TEP1: variants seen among roughly 807,000 people sequenced by gnomAD.
TEP1 encodes the protein telomerase protein component 1.
Under a neutral mutation model 306.3 loss-of-function variants are expected in TEP1, and 241 were observed. That is an observed-to-expected ratio of 0.79 (90% CI 0.71 to 0.88). The LOEUF (loss-of-function observed/expected upper bound fraction) is 0.88, where lower values mean the gene tolerates loss of function less well. Among genes scored for constraint, TEP1 ranks in the 40% least tolerant of loss-of-function variants. The pLI is 0.00. For missense variants in TEP1, 3,051 were observed against 3,276.1 expected (o/e 0.93, Z 1.68); for synonymous variants, 1,289 against 1,305.5 (o/e 0.99, Z 0.27).
rs772956301 is a variant in TEP1, at chr14:20,403,836, G to A, written c.1081C>T (p.Leu361Phe). Residue 361 changes from leucine (L) to phenylalanine (F), a missense_variant, in exon 6 of 55, where the codon CTC (leucine) becomes TTC (phenylalanine). Physicochemically the swap from Leu to Phe is conservative, Grantham distance 22. This residue lies in a region of TEP1 where 1,507 missense variants were observed against 1,550.5 expected (regional missense o/e 0.97). Coordinates refer to ENST00000262715, the MANE Select transcript of TEP1 (RefSeq NM_007110.5). ...AATTTGTCCGTCATGGCAGTACGGA[G>A]ACAGGCGGGCAGGGGCACCAGCTTA... ...KNKLVPLPACLRTAMTDKFAQ... is the reference protein window; with the variant it reads ...KNKLVPLPACFRTAMTDKFAQ... 13 of 1,614,122 alleles carry A rather than the reference G, an allele frequency of 8.1e-6. No homozygotes were observed. The Admixed American group carries it at 2.2e-4, about 27-fold the overall frequency.
intron 39 of TEP1, 86 bp downstream of exon 39, chr14:20,377,938 C>G (rs993744470): frequency 3.0e-5 from 46 of 1,541,678 alleles, no homozygotes; most frequent in Non-Finnish European, 4.0e-5. Context: ...ACAGTCTCCT[C>G]GACAAAGGAC....
At chr14:20,403,154 C>T (rs1276435938) in intron 7 of TEP1, among the ~76,000 whole-genome samples, 1 of 87,100 alleles carries the variant, frequency 1.1e-5, no homozygotes, top group Non-Finnish European at 2.0e-5. Flanking sequence ...TGCATAACTT[C>T]ATCTCAAAAA....
chr14:20,402,436 T>C (rs1022200512), intron 7 of TEP1, among the ~76,000 whole-genome samples: 2 of 152,228 alleles, frequency 1.3e-5, no homozygotes, highest in Admixed American at 6.5e-5. Flanking sequence ...GAAAGCGTTT[T>C]TTCTTATAAC....
chr14:20,379,256 G>A lies in TEP1; in HGVS notation c.5128-151C>T, dbSNP rs940617122. 9 of 1,052,170 alleles carry A rather than the reference G, an allele frequency of 8.6e-6. No homozygotes were observed. The African/African-American group carries it at 1.4e-4, about 17-fold the overall frequency. 65.2% of individuals were successfully genotyped at this position (1,052,170 alleles called of 1,614,324 possible). ...CCAAGTCAAGCACACGTTCAAGTGG[G>A]GGCCTCGTGATCCAAGTGGGGCCAC... is the stretch of plus-strand genomic sequence containing the variant. On this transcript the variant is annotated intron_variant, in intron 35 of 54. Coordinates refer to ENST00000262715, the MANE Select transcript of TEP1 (RefSeq NM_007110.5).
chr14:20,399,082 G>A (rs533638369), intron 9 of TEP1, among the ~76,000 whole-genome samples: 3 of 152,132 alleles, frequency 2.0e-5, no homozygotes, highest in Admixed American at 6.5e-5. Flanking sequence ...GGTTAGAGAC[G>A]GGGTTTCACC....
intron 11 of TEP1, 31 bp downstream of exon 11, chr14:20,395,828 C>G: frequency 6.3e-7 from 1 of 1,598,996 alleles, no homozygotes; most frequent in Middle Eastern, 1.7e-4. Flanking sequence ...ATGTGGGAGG[C>G]AAAGAGGAGT....
Position 20,395,564 on chromosome 14 carries a change from C to T in TEP1, c.1814G>A (p.Arg605His), listed in dbSNP as rs201323276. The change falls in exon 12 of 55, where the codon CGT (arginine) becomes CAT (histidine). Residue 605 changes from arginine to histidine, a missense_variant. By Grantham distance (29) the Arg-to-His change is conservative. Transcript: ENST00000262715. Reference sequence around the variant, plus strand: ...GTGGCAAAGAAACCTCCGCCTGGGACGGTTCTTTTCATTTCTAGTTAGTAT... The same window carrying T: ...GTGGCAAAGAAACCTCCGCCTGGGATGGTTCTTTTCATTTCTAGTTAGTAT... ...RRILTRNEKN[R>H]PRRRFLCHLS... 6.1e-5 allele frequency: 98 copies of T among 1,613,388 alleles called. No homozygotes were observed. The highest frequency in any genetic ancestry group is 2.2e-4 in the South Asian group (20 of 91,068).
At position 20,367,066 on chromosome 14, in the gene TEP1, A is replaced by C. The variant is rs748477871; in HGVS notation, c.*1371T>G. ...CATATGATTGAATTTTAGAAATATA[A>C]TAAAGTTCTTTTATGGGCCGGGCAC... On this transcript the variant is annotated 3_prime_UTR_variant, in exon 55 of 55. Transcript: ENST00000262715. The C allele has an allele frequency of 6.6e-6, 1 of 152,260 alleles. No individual in the cohort carries two copies. Among genetic ancestry groups the C allele is most frequent in the Non-Finnish European group, 1.5e-5 (1 of 68,054 alleles). 9.4% of individuals were successfully genotyped at this position (152,260 alleles called of 1,614,324 possible).
In TEP1 at chr14:20,383,272, C is replaced by A; in HGVS notation, c.3949G>T (p.Ala1317Ser). The A allele has an allele frequency of 6.2e-7, 1 of 1,613,836 alleles. No homozygotes were observed. The highest frequency in any genetic ancestry group is 8.5e-7 in the Non-Finnish European group (1 of 1,179,886). Residue 1317 changes from alanine to serine, a missense_variant, in exon 27 of 55, where the codon GCC becomes TCC. By Grantham distance (99) the Ala-to-Ser change is moderately conservative (BLOSUM62 1). Transcript: ENST00000262715. Reference protein sequence around the residue: ...LEQSQGAHVLALGPLEASARA... With the variant: ...LEQSQGAHVLSLGPLEASARA... ...GCAGAGGCCTCCAGAGGCCCCAAGGCCAGCACGTGGGCACCCTGGCTCTGC... is the reference window on the plus strand; with the variant it reads ...GCAGAGGCCTCCAGAGGCCCCAAGGACAGCACGTGGGCACCCTGGCTCTGC...
At chr14:20,404,000 C>A (rs1423776475) in intron 5 of TEP1, 116 bp from the exon 6 acceptor site, 65 of 1,359,944 alleles carry the variant, frequency 4.8e-5, no homozygotes, top group Non-Finnish European at 6.4e-5. Flanking sequence ...AAGTTCCCAG[C>A]CCTAGCTCCA....
At chr14:20,374,592 T>C in intron 43 of TEP1, 56 bp from the exon 44 acceptor site, 1 of 1,374,062 alleles carries the variant, frequency 7.3e-7, no homozygotes. Flanking sequence ...AGCATTTTGG[T>C]ATATCTGTAG....
Position 20,382,712 on chromosome 14 carries a change from G to A in TEP1, c.4051C>T (p.Arg1351Ter), listed in dbSNP as rs148696839. 1.8e-5 allele frequency: 29 copies of A among 1,613,982 alleles called. No homozygotes were observed. The African/African-American group carries it at 1.9e-4, about 10-fold the overall frequency. The change falls in exon 28 of 55, where the codon CGA (arginine) becomes TGA (stop). Residue 1351 changes from arginine to a stop codon, truncating the protein, a stop_gained. Coordinates refer to ENST00000262715, the MANE Select transcript of TEP1 (RefSeq NM_007110.5). LOFTEE classifies it high-confidence loss of function. ...GATTCCCGCTTCACCAGCAGCAGTC[G>A]CATCTGGCAAGACTCAGGACTCAGG... ...LEESPFNNQM[R>*]LLLVKRESGR...
rs368680818 is a variant in TEP1, at chr14:20,369,375, G to A, written c.7625C>T (p.Thr2542Ile). 2.2e-5 allele frequency: 35 copies of A among 1,613,248 alleles called. No individual in the cohort carries two copies. Among genetic ancestry groups the A allele is most frequent in the Non-Finnish European group, 2.9e-5 (34 of 1,179,848 alleles). The part of the protein sequence containing the change: ...DSDASMDSEP[T>I]PHLKTRQRRK... Reference sequence around the variant, plus strand: ...ACGCTGCCGTGTCTTTAGATGTGGTGTTGGCTCACTATCCATGCTGGCATC... The same window carrying A: ...ACGCTGCCGTGTCTTTAGATGTGGTATTGGCTCACTATCCATGCTGGCATC... The change falls in exon 53 of 55, where the codon ACA becomes ATA. Residue 2542 changes from threonine to isoleucine, a missense_variant. Transcript: ENST00000262715.
At position 20,390,977 on chromosome 14, in the gene TEP1, G is replaced by A; in HGVS notation, c.2217C>T (p.Gly739=). Residue 739 remains glycine (G), a synonymous_variant, in exon 14 of 55, where the codon GGC becomes GGT. Transcript: ENST00000262715. The part of the protein sequence containing the change: ...LKTAVLKAEE[G]ILKTAIKLQA... ...GGAGCTTGATGGCAGTCTTCAGGAT[G>A]CCTTCTTCTGCCTTAAGCACTGCAG... The A allele has an allele frequency of 1.9e-6, 3 of 1,614,138 alleles. No individual in the cohort carries two copies. Among genetic ancestry groups the A allele is most frequent in the Non-Finnish European group, 2.5e-6 (3 of 1,180,022 alleles).
intron 33 of TEP1, 87 bp from the exon 34 acceptor site, chr14:20,380,562 A>G (rs960455670): frequency 6.8e-6 from 9 of 1,325,506 alleles, no homozygotes; most frequent in Non-Finnish European, 8.0e-6. Context: ...TGTGTCTACA[A>G]TAGTAAGTCT....
chr14:20,367,653 C>T lies in TEP1; in HGVS notation c.*784G>A, dbSNP rs1256430697. The T allele has an allele frequency of 6.5e-6, 1 of 152,874 alleles. No homozygotes were observed. The highest frequency in any genetic ancestry group is 1.9e-4 in the East Asian group (1 of 5,222). The allele number at this position is 152,874 out of a possible 1,614,324, so 9.5% of individuals were successfully genotyped here. The stretch of plus-strand genomic sequence containing the variant: ...TTTAGACAGAGTCTCGCTCTGTTGC[C>T]CAGGCTGGAGTGCAGTGGTGTCTCG... On this transcript the variant is annotated 3_prime_UTR_variant, in exon 55 of 55. Transcript: ENST00000262715.
intron 8 of TEP1, 113 bp from the exon 9 acceptor site, chr14:20,401,254 TAACTC>T: frequency 7.0e-7 from 1 of 1,421,682 alleles, no homozygotes; most frequent in South Asian, 1.4e-5. Context: ...TGCCTAAAAA[TAACTC>T]AGAAAAGGAA....
chr14:20,409,744 G>A (rs1879477420), intron 1 of TEP1, among the ~76,000 whole-genome samples: 2 of 152,136 alleles, frequency 1.3e-5, no homozygotes, highest in African/African-American at 4.8e-5. Flanking sequence ...ATGCTGGCCG[G>A]GCGCGGTGGC....
At chr14:20,397,450 A>G (rs1208643488) in intron 9 of TEP1, among the ~76,000 whole-genome samples, 1 of 152,150 alleles carries the variant, frequency 6.6e-6, no homozygotes, top group East Asian at 1.9e-4. Flanking sequence ...CGAAGGTTGC[A>G]GTGAACCGAG....
Sources: gnomAD v4.1 joint callset for allele counts (sites outside exome capture counted in the v4.1 genomes callset) on GRCh38, gnomAD v4.1.1 for gene constraint, gnomAD v4.1.1 regional missense constraint, MANE v1.5 for transcripts, NCBI Gene and HGNC (gene_info 2026-07-23, HGNC 2026-07-21) for gene names.